The following STX8 variants were observed in gnomAD, a reference collection of about 807,000 sequenced individuals.
STX8 encodes the protein syntaxin-8.
In STX8, 23 loss-of-function variants were observed where a neutral mutation model predicts 37.5. The ratio of observed to expected loss-of-function variants is 0.61; its 90% CI spans 0.44 to 0.87. STX8 has a LOEUF of 0.87. Among genes scored for constraint, STX8 ranks in the 40% least tolerant of loss-of-function variants. The pLI is 0.00. For synonymous variants in STX8, 115 were observed against 99.1 expected (o/e 1.16, Z -0.95); for missense variants, 313 against 284.7 (o/e 1.10, Z -0.71).
intron 7 of STX8, among the ~76,000 whole-genome samples, chr17:9,362,777 G>T (rs1911101133): frequency 6.7e-6 from 1 of 148,974 alleles, no homozygotes; most frequent in Admixed American, 6.8e-5. Context: ...AGCTGAGATT[G>T]TGCCACTGCA....
At chr17:9,329,574 A>G (rs1199965614) in intron 7 of STX8, among the ~76,000 whole-genome samples, 3 of 152,188 alleles carry the variant, frequency 2.0e-5, no homozygotes, top group Non-Finnish European at 4.4e-5. Context: ...AATGTAGCCC[A>G]CCCACCTGGG....
At chr17:9,263,754 G>A (rs1423776714) in intron 7 of STX8, among the ~76,000 whole-genome samples, 1 of 152,144 alleles carries the variant, frequency 6.6e-6, no homozygotes, top group Non-Finnish European at 1.5e-5. Context: ...TGGAATCCTG[G>A]GGCAAAGAGT....
intron 7 of STX8, among the ~76,000 whole-genome samples, chr17:9,272,608 G>C (rs944511223): frequency 6.6e-6 from 1 of 152,236 alleles, no homozygotes; most frequent in African/African-American, 2.4e-5. Context: ...TAGCGCGCCA[G>C]CGAGCTAGTT....
chr17:9,537,307 C>G (rs1171122977), intron 4 of STX8, among the ~76,000 whole-genome samples: 1 of 152,206 alleles, frequency 6.6e-6, no homozygotes, highest in Non-Finnish European at 1.5e-5. Flanking sequence ...GTTGGAGCCA[C>G]GTGACTAGTT....
chr17:9,508,989 CTGT>C (rs1904937381), intron 4 of STX8, among the ~76,000 whole-genome samples: 1 of 152,194 alleles, frequency 6.6e-6, no homozygotes, highest in Non-Finnish European at 1.5e-5. Flanking sequence ...TGGCTCATGC[CTGT>C]TATCCCAGTA....
intron 7 of STX8, among the ~76,000 whole-genome samples, chr17:9,268,162 T>G (rs1302951837): frequency 6.6e-6 from 1 of 152,046 alleles, no homozygotes; most frequent in East Asian, 1.9e-4. Context: ...AGATGCTTAA[T>G]GGCAGAACTA....
intron 6 of STX8, among the ~76,000 whole-genome samples, chr17:9,422,725 A>G (rs1372767704): frequency 6.6e-6 from 1 of 152,224 alleles, no homozygotes; most frequent in Non-Finnish European, 1.5e-5. Context: ...GCAATGGTGA[A>G]TAGCTGCAAC....
intron 4 of STX8, among the ~76,000 whole-genome samples, chr17:9,530,491 T>C (rs1029989673): frequency 6.6e-6 from 1 of 152,210 alleles, no homozygotes; most frequent in Non-Finnish European, 1.5e-5. Context: ...TAGCAACACT[T>C]GACATGTCTG....
intron 6 of STX8, among the ~76,000 whole-genome samples, chr17:9,485,966 G>T (rs1190745697): frequency 6.6e-6 from 1 of 152,160 alleles, no homozygotes; most frequent in Non-Finnish European, 1.5e-5. Flanking sequence ...AATGACAAAA[G>T]AATGTCCCAG....
chr17:9,413,632 T>C (rs1913052575), intron 6 of STX8, among the ~76,000 whole-genome samples: 2 of 152,176 alleles, frequency 1.3e-5, no homozygotes, highest in East Asian at 1.9e-4. Context: ...GCTTCAATCC[T>C]TGAGAAACTA....
chr17:9,277,079 C>G lies in STX8; in HGVS notation c.644-26434G>C, dbSNP rs777395078. Among the ~76,000 whole-genome samples the G allele has an allele frequency of 1.1e-4, 16 of 152,120 alleles. 1 individual carries two copies. Among genetic ancestry groups the G allele is most frequent in the Non-Finnish European group, 2.1e-4 (14 of 68,034 alleles). On this transcript the variant is annotated intron_variant, in intron 7 of 7. Transcript: ENST00000306357. ...CCTCCTGCCTCAGCCTCTGGAGTAG[C>G]TGGGACTACAGGTGCATACCACTGT...
intron 6 of STX8, among the ~76,000 whole-genome samples, chr17:9,443,213 C>A (rs60864581): frequency 0.18 from 27,458 of 152,170 alleles, 3,020 homozygotes; most frequent in Middle Eastern, 0.27. Context: ...AGGGCAACCA[C>A]CACTATTCTT....
chr17:9,318,579 T>C (rs1488176458), intron 7 of STX8, among the ~76,000 whole-genome samples: 4 of 151,940 alleles, frequency 2.6e-5, no homozygotes, highest in African/African-American at 9.7e-5. Flanking sequence ...AAACGAACAA[T>C]ACGGCAGTAA....
chr17:9,447,637 G>A (rs1461861643), intron 6 of STX8, among the ~76,000 whole-genome samples: 2 of 151,862 alleles, frequency 1.3e-5, no homozygotes, highest in East Asian at 3.9e-4. Context: ...TGGCCAGGCT[G>A]GTCTCGAACT....
At chr17:9,462,094 T>C (rs958792164) in intron 6 of STX8, among the ~76,000 whole-genome samples, 2 of 152,082 alleles carry the variant, frequency 1.3e-5, no homozygotes, top group Admixed American at 1.3e-4. Context: ...ACCTGGTTCC[T>C]AGCAGGCCAC....
chr17:9,314,819 C>T (rs560744169), intron 7 of STX8, among the ~76,000 whole-genome samples: 9 of 151,174 alleles, frequency 6.0e-5, no homozygotes, highest in African/African-American at 1.9e-4. Context: ...AAACTGAGTT[C>T]CTGGCTGGGC....
intron 7 of STX8, among the ~76,000 whole-genome samples, chr17:9,303,010 A>G: frequency 6.8e-6 from 1 of 147,394 alleles, no homozygotes; most frequent in Admixed American, 6.7e-5. Context: ...AAAAAAAGGA[A>G]GAGACAGGCA....
intron 6 of STX8, among the ~76,000 whole-genome samples, chr17:9,431,751 C>T (rs1913992682): frequency 6.6e-6 from 1 of 152,180 alleles, no homozygotes; most frequent in African/African-American, 2.4e-5. Flanking sequence ...CAACATAGTG[C>T]CAAACGTTCT....
At chr17:9,409,836 A>G (rs971003424) in intron 6 of STX8, among the ~76,000 whole-genome samples, 1 of 152,226 alleles carries the variant, frequency 6.6e-6, no homozygotes, top group Non-Finnish European at 1.5e-5. Flanking sequence ...GAATGCTTTT[A>G]TTAGTGAAAA....
Sources: gnomAD v4.1 joint callset for allele counts (sites outside exome capture counted in the v4.1 genomes callset) on GRCh38, gnomAD v4.1.1 for gene constraint, MANE v1.5 for transcripts, NCBI Gene and HGNC (gene_info 2026-07-23, HGNC 2026-07-21) for gene names.